TBC1D5: variants seen among roughly 807,000 people sequenced by gnomAD.
TBC1D5 encodes TBC1 domain family member 5.
A neutral mutation model predicts 100.3 loss-of-function variants in TBC1D5; 75 were observed. The observed-to-expected ratio is 0.75, with a 90% confidence interval of 0.62 to 0.91. The LOEUF (loss-of-function observed/expected upper bound fraction) is 0.91, where lower values mean the gene tolerates loss of function less well. Among genes scored for constraint, TBC1D5 ranks in the 40% least tolerant of loss-of-function variants. The probability of loss-of-function intolerance (pLI) is 0.00; values close to 1 mark genes in which losing one functional copy is unlikely to be tolerated. For missense variants in TBC1D5, 910 were observed against 942.4 expected (o/e 0.97, Z 0.45); for synonymous variants, 323 against 325.6 (o/e 0.99, Z 0.09).
chr3:17,170,063 G>A (rs748501659), intron 19 of TBC1D5, among the ~76,000 whole-genome samples: 9 of 152,206 alleles, frequency 5.9e-5, no homozygotes, highest in South Asian at 2.1e-4. Flanking sequence ...TGTGCAGCCC[G>A]GTTCCTAACA....
At chr3:17,185,234 A>G (rs1315260874) in intron 18 of TBC1D5, 26 bp from the exon 20 acceptor site, 2 of 1,593,152 alleles carry the variant, frequency 1.3e-6, no homozygotes, top group Non-Finnish European at 1.7e-6. Context: ...AAACATATGG[A>G]AATTTTTTAG....
chr3:17,327,706 T>C (rs2086322618), intron 13 of TBC1D5, among the ~76,000 whole-genome samples: 1 of 152,188 alleles, frequency 6.6e-6, no homozygotes, highest in Non-Finnish European at 1.5e-5. Context: ...TTTTTTTCCA[T>C]GGTACTTATT....
At chr3:17,719,622 A>T (rs1372949009) in intron 1 of TBC1D5, among the ~76,000 whole-genome samples, 1 of 152,186 alleles carries the variant, frequency 6.6e-6, no homozygotes, top group African/African-American at 2.4e-5. Context: ...TGCTATTCCT[A>T]TGAGGACTGA....
chr3:17,312,264 T>C (rs2084118128), intron 13 of TBC1D5, among the ~76,000 whole-genome samples: 1 of 152,094 alleles, frequency 6.6e-6, no homozygotes, highest in Non-Finnish European at 1.5e-5. Context: ...CCAAAATAAA[T>C]AATTTTATTC....
chr3:17,592,353 T>C (rs944975057), intron 2 of TBC1D5, among the ~76,000 whole-genome samples: 1 of 152,142 alleles, frequency 6.6e-6, no homozygotes, highest in Non-Finnish European at 1.5e-5. Flanking sequence ...GGTGAGACAT[T>C]TGCGTGTCAG....
At chr3:17,277,687 G>A (rs1259060829) in intron 15 of TBC1D5, among the ~76,000 whole-genome samples, 3 of 152,194 alleles carry the variant, frequency 2.0e-5, no homozygotes, top group Admixed American at 6.5e-5. Flanking sequence ...GAATGTGGTC[G>A]TTCAGAACTG....
chr3:17,547,477 A>G (rs1373596947), intron 2 of TBC1D5, among the ~76,000 whole-genome samples: 1 of 152,216 alleles, frequency 6.6e-6, no homozygotes, highest in Non-Finnish European at 1.5e-5. Context: ...TACTTCTCTT[A>G]AGAAACATTT....
intron 2 of TBC1D5, among the ~76,000 whole-genome samples, chr3:17,545,917 C>T (rs1193777900): frequency 6.6e-6 from 1 of 152,062 alleles, no homozygotes; most frequent in Non-Finnish European, 1.5e-5. Context: ...TCAATAAATA[C>T]CTTAAAGGAA....
chr3:17,666,425 T>C (rs1288985001), intron 1 of TBC1D5, among the ~76,000 whole-genome samples: 2 of 152,160 alleles, frequency 1.3e-5, no homozygotes, highest in South Asian at 4.1e-4. Context: ...ATCTATAAAG[T>C]AACATACTAG....
chr3:17,402,085 C>T (rs997018593), intron 8 of TBC1D5, among the ~76,000 whole-genome samples: 2 of 152,132 alleles, frequency 1.3e-5, no homozygotes, highest in African/African-American at 4.8e-5. Flanking sequence ...TACCCTATTA[C>T]CACTGCCAAT....
intron 13 of TBC1D5, among the ~76,000 whole-genome samples, chr3:17,318,765 G>A (rs868820906): frequency 3.3e-5 from 5 of 152,122 alleles, no homozygotes; most frequent in South Asian, 2.1e-4. Context: ...CATTAACATG[G>A]AGAATCACAG....
At chr3:17,610,928 T>C (rs541200911) in intron 2 of TBC1D5, among the ~76,000 whole-genome samples, 1 of 152,212 alleles carries the variant, frequency 6.6e-6, no homozygotes, top group African/African-American at 2.4e-5. Flanking sequence ...GAGAATGACT[T>C]GAACCTGGGA....
chr3:17,348,578 T>A (rs1015440682), intron 13 of TBC1D5, among the ~76,000 whole-genome samples: 2 of 152,202 alleles, frequency 1.3e-5, no homozygotes, highest in African/African-American at 4.8e-5. Flanking sequence ...TTGGCTGTCT[T>A]TTTTTCTGAT....
At chr3:17,445,761 C>T (rs1015182743) in intron 3 of TBC1D5, among the ~76,000 whole-genome samples, 2 of 152,066 alleles carry the variant, frequency 1.3e-5, no homozygotes, top group South Asian at 2.1e-4. Context: ...TAGGTATGTA[C>T]GTATAGCAAA....
Position 17,368,755 on chromosome 3 carries a change from ATT to A in TBC1D5, c.995+3318_995+3319del, listed in dbSNP as rs534075974. Reference sequence around the variant, plus strand: ...TTGAAACATTTTACTTTACAAAAAAATTTGTTTTGTTTGAAAATTAAAATTCT... The same window carrying A: ...TTGAAACATTTTACTTTACAAAAAAATGTTTTGTTTGAAAATTAAAATTCT... On this transcript the variant is annotated intron_variant, in intron 13 of 21. Transcript: ENST00000253692. Among the ~76,000 whole-genome samples the A allele has an allele frequency of 3.5e-3, 530 of 151,932 alleles. 9 individuals are homozygous for A. The highest frequency in any genetic ancestry group is 2.4e-4 in the Non-Finnish European group (16 of 67,894).
chr3:17,694,923 A>C (rs978380910), intron 1 of TBC1D5, among the ~76,000 whole-genome samples: 4 of 152,216 alleles, frequency 2.6e-5, no homozygotes, highest in Non-Finnish European at 4.4e-5. Context: ...ACAACCCAGA[A>C]GACAGTGGGG....
intron 1 of TBC1D5, among the ~76,000 whole-genome samples, chr3:17,708,138 C>T (rs1287199754): frequency 6.6e-6 from 1 of 152,134 alleles, no homozygotes; most frequent in Non-Finnish European, 1.5e-5. Context: ...GGTATGTGGC[C>T]TCCTAATTCA....
In TBC1D5 at chr3:17,352,692, A is replaced by AAAAAAAAC. The variant is rs1293324232; in HGVS notation, c.995+19375_995+19382dup. On this transcript the variant is annotated intron_variant, in intron 13 of 21. Transcript: ENST00000253692. Reference sequence around the variant, plus strand: ...AATACAAAGCAAAAGGCAAAAAAAAAAAAAAAACAAAAAAACCTACTGTGC... The same window carrying AAAAAAAAC: ...AATACAAAGCAAAAGGCAAAAAAAAAAAAAAAACAAAAAAACAAAAAAACCTACTGTGC... 3.9e-3 allele frequency among the ~76,000 whole-genome samples: 576 copies of AAAAAAAAC among 149,430 alleles called. 4 individuals carry two copies. The highest frequency in any genetic ancestry group is 0.012 in the African/African-American group (492 of 40,120).
At chr3:17,247,629 C>T (rs544391294) in intron 16 of TBC1D5, among the ~76,000 whole-genome samples, 12 of 152,232 alleles carry the variant, frequency 7.9e-5, no homozygotes, top group African/African-American at 2.9e-4. Flanking sequence ...AAGTTGGCCA[C>T]ACTGATTGAC....
Sources: allele counts gnomAD v4.1 joint callset (sites outside exome capture counted in the v4.1 genomes callset), GRCh38; gene constraint gnomAD v4.1.1; transcripts MANE v1.5; gene names NCBI Gene and HGNC (gene_info 2026-07-23, HGNC 2026-07-21).